NUBP1: variants seen among roughly 807,000 people sequenced by gnomAD.
The protein encoded by NUBP1 is NUBP iron-sulfur cluster assembly factor 1, cytosolic.
In NUBP1, 46 loss-of-function variants were observed where a neutral mutation model predicts 41.8. The observed-to-expected ratio is 1.10, with a 90% CI of 0.87 to 1.41. NUBP1 has a LOEUF of 1.41. Ranked by LOEUF, NUBP1 falls within the 40% of genes most tolerant of loss-of-function variation. NUBP1 has a pLI of 0.00. For missense variants in NUBP1, 494 were observed against 414.0 expected, an observed-to-expected ratio of 1.19 and a Z score of -1.68; for synonymous variants, 189 against 154.6, an observed-to-expected ratio of 1.22 and a Z score of -1.65.
At chr16:10,763,872 G>A in intron 9 of NUBP1, 1 of 166,598 alleles carries the variant, frequency 6.0e-6, no homozygotes, top group Non-Finnish European at 1.3e-5. Context: ...CTCAGCCCCT[G>A]GAAGCATCTC....
chr16:10,758,961 G>A (rs960463655), intron 7 of NUBP1, among the ~76,000 whole-genome samples: 1 of 152,150 alleles, frequency 6.6e-6, no homozygotes, highest in African/African-American at 2.4e-5. Context: ...GGACCATGGT[G>A]CTATCCATCT....
intron 3 of NUBP1, among the ~76,000 whole-genome samples, chr16:10,750,817 C>T (rs1191823241): frequency 6.6e-5 from 10 of 152,208 alleles, no homozygotes; most frequent in Admixed American, 6.5e-4. Flanking sequence ...GTTTGGGGTG[C>T]TGAGTAAAGG....
At position 10,756,687 on chromosome 16, in the gene NUBP1, C is replaced by T. The variant is rs548945351; in HGVS notation, c.361-3C>T. ...TCTTGCCCTCACCCTGTTCCCTCTG[C>T]AGTACGTGGAAGACAACCTGGGGGT... On this transcript the variant is annotated splice_region_variant and splice_polypyrimidine_tract_variant and intron_variant, in intron 5 of 10. Coordinates refer to ENST00000283027, the MANE Select transcript of NUBP1 (RefSeq NM_002484.4). 7.7e-6 allele frequency: 12 copies of T among 1,557,444 alleles called. No homozygotes were observed. The African/African-American group carries it at 1.7e-4, about 22-fold the overall frequency.
At position 10,760,287 on chromosome 16, in the gene NUBP1, G is replaced by A. The variant is rs541455674; in HGVS notation, c.607-1077G>A. 3.9e-5 allele frequency among the ~76,000 whole-genome samples: 6 copies of A among 152,356 alleles called. No homozygotes were observed. The South Asian group carries it at 6.2e-4, about 16-fold the overall frequency. The stretch of plus-strand genomic sequence containing the variant: ...ACTGTGGCATGAAGCAGCCACAGAC[G>A]GTGCCTAGAGGGACGGGCATGGCTG... On this transcript the variant is annotated intron_variant, in intron 7 of 10. Coordinates refer to ENST00000283027, the MANE Select transcript of NUBP1 (RefSeq NM_002484.4).
intron 7 of NUBP1, among the ~76,000 whole-genome samples, chr16:10,758,899 G>T (rs796637151): frequency 2.0e-5 from 3 of 152,330 alleles, no homozygotes; most frequent in African/African-American, 7.2e-5. Context: ...GCTGAGAGGA[G>T]AGCGATAGGA....
intron 3 of NUBP1, among the ~76,000 whole-genome samples, chr16:10,748,358 C>T (rs940737866): frequency 1.1e-4 from 16 of 152,150 alleles, no homozygotes; most frequent in Non-Finnish European, 2.1e-4. Flanking sequence ...AAAATTTTTG[C>T]TGGCCCTTAC....
intron 9 of NUBP1, among the ~76,000 whole-genome samples, chr16:10,763,040 G>A (rs771260706): frequency 1.3e-5 from 2 of 152,086 alleles, no homozygotes; most frequent in African/African-American, 2.4e-5. Flanking sequence ...ACACACACAA[G>A]AGAGAAAGTG....
Position 10,761,457 on chromosome 16 carries a change from A to C in NUBP1, c.700A>C (p.Ile234Leu), listed in dbSNP as rs569894248. 5.0e-6 allele frequency: 8 copies of C among 1,614,002 alleles called. No homozygotes were observed. The South Asian group carries it at 8.8e-5, about 18-fold the overall frequency. ...IGVVENMSGF[I>L]CPKCKKESQI... ...GGTGGTGGAGAACATGAGTGGCTTC[A>C]TCTGTCCTAAGTGCAAGGTGAGGGC... The change falls in exon 8 of 11, where the codon ATC becomes CTC. Residue 234 changes from isoleucine to leucine, a missense_variant. Physicochemically the swap from Ile to Leu is conservative, Grantham distance 5. Transcript: ENST00000283027.
At position 10,749,100 on chromosome 16, in the gene NUBP1, A is replaced by T; in HGVS notation, c.258+1824A>T. On this transcript the variant is annotated intron_variant, in intron 3 of 10. Transcript: ENST00000283027. This position sits in a 1 kb window ranked among gnomAD's most constrained non-coding sequence, Gnocchi z 4.1. Reference sequence around the variant, plus strand: ...ACAAGACTCCATTTAAAAAAAAAAAAGGATATAGATAGATACACAGACACA... The same window carrying T: ...ACAAGACTCCATTTAAAAAAAAAAATGGATATAGATAGATACACAGACACA... Among the ~76,000 whole-genome samples the T allele has an allele frequency of 6.9e-6, 1 of 145,292 alleles. No individual in the cohort carries two copies.
chr16:10,756,591 G>T, intron 5 of NUBP1, 99 bp from the exon 6 acceptor site: 2 of 771,540 alleles, frequency 2.6e-6, no homozygotes, highest in Non-Finnish European at 4.0e-6. Flanking sequence ...TCCTGAAAAT[G>T]TTTTTTTCAG....
chr16:10,744,022 C>T lies in NUBP1; in HGVS notation c.81C>T (p.Asn27=). The T allele has an allele frequency of 6.3e-7, 1 of 1,580,094 alleles. No homozygotes were observed. Among genetic ancestry groups the T allele is most frequent in the Non-Finnish European group, 8.6e-7 (1 of 1,168,862 alleles). Residue 27 remains asparagine (N), a synonymous_variant, in exon 2 of 11, where the codon AAC becomes AAT. Coordinates refer to ENST00000283027, the MANE Select transcript of NUBP1 (RefSeq NM_002484.4). ...GGGCTTCATGTCAGGGATGCCCCAA[C>T]CAGCGGCTGTGCGCTTCTGGAGCGG... ...GRGASCQGCP[N]QRLCASGAGA...
intron 3 of NUBP1, among the ~76,000 whole-genome samples, chr16:10,752,230 C>T (rs532511783): frequency 3.0e-4 from 46 of 152,316 alleles, no homozygotes; most frequent in African/African-American, 1.1e-3. Flanking sequence ...GTGGCTCCAA[C>T]ACTGCCGTCT....
chr16:10,763,231 G>T (rs1477942532), intron 9 of NUBP1, among the ~76,000 whole-genome samples: 1 of 152,056 alleles, frequency 6.6e-6, no homozygotes, highest in African/African-American at 2.4e-5. Context: ...GGAGAAGGTG[G>T]TTCATGTCCG....
In NUBP1 at chr16:10,767,538, C is replaced by G. The variant is rs2031080025; in HGVS notation, c.821-411C>G. Reference sequence around the variant, plus strand: ...TGCGCATAATCTTTCTGGAAAGACACCTAGAACACTAGTAGCCCTTTTCGG... The same window carrying G: ...TGCGCATAATCTTTCTGGAAAGACAGCTAGAACACTAGTAGCCCTTTTCGG... On this transcript the variant is annotated intron_variant, in intron 9 of 10. Transcript: ENST00000283027. The surrounding 1 kb of genome is among the most constrained non-coding windows in gnomAD (Gnocchi z 4.6). The G allele has an allele frequency of 2.2e-6, 1 of 445,008 alleles. No individual in the cohort carries two copies. The highest frequency in any genetic ancestry group is 3.9e-6 in the Non-Finnish European group (1 of 254,540). 27.6% of individuals were successfully genotyped at this position (445,008 alleles called of 1,614,324 possible). A position where few individuals can be genotyped will look rare whatever the true frequency, so the allele number is the denominator to read the frequency against.
At chr16:10,746,558 T>G (rs974726420) in intron 2 of NUBP1, among the ~76,000 whole-genome samples, 1 of 152,092 alleles carries the variant, frequency 6.6e-6, no homozygotes, top group Non-Finnish European at 1.5e-5. Flanking sequence ...CTGGCCAACA[T>G]AGAGAAACAC....
intron 2 of NUBP1, among the ~76,000 whole-genome samples, chr16:10,746,222 C>T (rs1004423084): frequency 3.9e-5 from 6 of 152,164 alleles, no homozygotes; most frequent in Admixed American, 2.6e-4. Context: ...TTTTTAATTT[C>T]CTTTATACCT....
chr16:10,756,560 A>T lies in NUBP1; in HGVS notation c.361-130A>T, dbSNP rs190328811. 188 of 558,096 alleles carry T rather than the reference A, an allele frequency of 3.4e-4. No homozygotes were observed. The East Asian group carries it at 6.5e-3, about 19-fold the overall frequency. 34.6% of individuals were successfully genotyped at this position (558,096 alleles called of 1,614,324 possible). On this transcript the variant is annotated intron_variant, in intron 5 of 10. Transcript: ENST00000283027. ...TTAGGAGCAAAGAGTGAATATGCTC[A>T]TAGGTCACATGGTAGTTTTGTCCTG...
At chr16:10,750,246 T>C (rs1420825204) in intron 3 of NUBP1, among the ~76,000 whole-genome samples, 1 of 152,032 alleles carries the variant, frequency 6.6e-6, no homozygotes, top group Non-Finnish European at 1.5e-5. Context: ...AATTAAACTT[T>C]TTTTGTTTGT....
chr16:10,760,113 C>T (rs145803114), intron 7 of NUBP1, among the ~76,000 whole-genome samples: 17 of 152,368 alleles, frequency 1.1e-4, no homozygotes, highest in African/African-American at 3.1e-4. Context: ...AAGTTGTCCA[C>T]ATTGGGCAGT....
Sources: gnomAD v4.1 joint callset for allele counts (sites outside exome capture counted in the v4.1 genomes callset) on GRCh38, gnomAD v4.1.1 for gene constraint, Gnocchi (gnomAD v3.1) non-coding constraint, MANE v1.5 for transcripts, NCBI Gene and HGNC (gene_info 2026-07-23, HGNC 2026-07-21) for gene names.